Variants in GRID2 observed in about 807,000 individuals in gnomAD.
GRID2 encodes glutamate ionotropic receptor delta type subunit 2, also known as glutamate receptor ionotropic, delta-2.
In GRID2, 33 loss-of-function variants were observed where a neutral mutation model predicts 114.8. The ratio of observed to expected loss-of-function variants is 0.29; its 90% confidence interval spans 0.22 to 0.38. The LOEUF (loss-of-function observed/expected upper bound fraction) is 0.38, where lower values mean the gene tolerates loss of function less well. Among genes scored for constraint, GRID2 ranks in the 10% least tolerant of loss-of-function variants. GRID2 has a pLI of 1.00. For missense variants in GRID2, 1,184 were observed against 1,257.7 expected (o/e 0.94, Z 0.89); for synonymous variants, 505 against 449.9 (o/e 1.12, Z -1.55).
At chr4:92,855,841 T>C (rs1026170378) in intron 2 of GRID2, among the ~76,000 whole-genome samples, 5 of 152,154 alleles carry the variant, frequency 3.3e-5, no homozygotes, top group African/African-American at 1.2e-4. Flanking sequence ...AGAAGGTATA[T>C]AACATTAATA....
intron 4 of GRID2, among the ~76,000 whole-genome samples, chr4:93,197,296 A>T (rs535791747): frequency 6.6e-6 from 1 of 152,260 alleles, no homozygotes; most frequent in East Asian, 1.9e-4. Context: ...TTTACTAATT[A>T]TTAACTCTTG....
chr4:92,406,817 T>C (rs992914160), intron 1 of GRID2, among the ~76,000 whole-genome samples: 9 of 151,850 alleles, frequency 5.9e-5, no homozygotes, highest in Admixed American at 5.3e-4. Flanking sequence ...GGTTTTCTGT[T>C]CTTAAGTTAG....
At chr4:93,647,097 T>G (rs1722179117) in intron 14 of GRID2, among the ~76,000 whole-genome samples, 1 of 152,172 alleles carries the variant, frequency 6.6e-6, no homozygotes, top group African/African-American at 2.4e-5. Flanking sequence ...CTGTGTTAGA[T>G]GAAGGACTTT....
chr4:92,865,228 T>C (rs1457853723), intron 2 of GRID2, among the ~76,000 whole-genome samples: 1 of 152,190 alleles, frequency 6.6e-6, no homozygotes. Flanking sequence ...GTCATAATAT[T>C]TACACAGTCA....
chr4:92,621,632 G>A (rs1466863875), intron 2 of GRID2, among the ~76,000 whole-genome samples: 2 of 151,568 alleles, frequency 1.3e-5, no homozygotes, highest in East Asian at 3.9e-4. Flanking sequence ...TGCACTTAGC[G>A]CAGGGCAAAA....
chr4:92,607,956 G>C (rs931724263), intron 2 of GRID2, among the ~76,000 whole-genome samples: 1 of 151,830 alleles, frequency 6.6e-6, no homozygotes, highest in Admixed American at 6.6e-5. Flanking sequence ...TAGAAAAAGA[G>C]GTGACTTATA....
chr4:92,574,999 C>T (rs1727815469), intron 1 of GRID2, among the ~76,000 whole-genome samples: 4 of 152,252 alleles, frequency 2.6e-5, no homozygotes, highest in South Asian at 2.1e-4. Flanking sequence ...TCCCATATTT[C>T]CTGAAGGTTT....
At chr4:92,804,263 G>A (rs1014512236) in intron 2 of GRID2, among the ~76,000 whole-genome samples, 26 of 151,770 alleles carry the variant, frequency 1.7e-4, no homozygotes, top group African/African-American at 5.6e-4. Context: ...TAAATCATAT[G>A]GAAAAATATT....
At chr4:93,197,104 T>G (rs1231842441) in intron 4 of GRID2, among the ~76,000 whole-genome samples, 1 of 152,188 alleles carries the variant, frequency 6.6e-6, no homozygotes, top group African/African-American at 2.4e-5. Flanking sequence ...TCTCTTTCTC[T>G]ATCAGTTATA....
At chr4:92,329,941 A>T (rs182913018) in intron 1 of GRID2, among the ~76,000 whole-genome samples, 107 of 150,188 alleles carry the variant, frequency 7.1e-4, no homozygotes, top group African/African-American at 2.4e-3. Flanking sequence ...GGGAAAGGAG[A>T]GAAGAGAGAG....
At chr4:93,233,335 A>ATT (rs1210273655) in intron 7 of GRID2, among the ~76,000 whole-genome samples, 12 of 104,578 alleles carry the variant, frequency 1.1e-4, no homozygotes, top group South Asian at 3.1e-4. Flanking sequence ...TATTATTATT[A>ATT]TTTTTTTTTT....
At chr4:92,583,874 CAT>C (rs1200398037) in intron 1 of GRID2, among the ~76,000 whole-genome samples, 3 of 148,806 alleles carry the variant, frequency 2.0e-5, no homozygotes, top group Non-Finnish European at 4.5e-5. Flanking sequence ...AATATATACA[CAT>C]ATGCATATGT....
In GRID2 at chr4:92,663,128, G is replaced by A. The variant is rs556331647; in HGVS notation, c.244+72842G>A. 9.9e-5 allele frequency among the ~76,000 whole-genome samples: 15 copies of A among 151,136 alleles called. No homozygotes were observed. The Admixed American group carries it at 9.9e-4, about 10-fold the overall frequency. On this transcript the variant is annotated intron_variant, in intron 2 of 15. Transcript: ENST00000282020. The stretch of plus-strand genomic sequence containing the variant: ...CACATATAAAAAGCCAAACTGCTCA[G>A]CCTTGATACAAGTGAAGTGACTTGA...
chr4:93,758,712 A>G (rs1732965338), intron 14 of GRID2, among the ~76,000 whole-genome samples: 1 of 152,246 alleles, frequency 6.6e-6, no homozygotes, highest in African/African-American at 2.4e-5. Context: ...ATGAAAATAT[A>G]CATAAATGCA....
At chr4:93,686,685 G>T (rs993519749) in intron 14 of GRID2, among the ~76,000 whole-genome samples, 1 of 151,968 alleles carries the variant, frequency 6.6e-6, no homozygotes, top group Non-Finnish European at 1.5e-5. Flanking sequence ...AATGAAGAAA[G>T]TATGGGGATG....
intron 2 of GRID2, among the ~76,000 whole-genome samples, chr4:92,789,834 G>C (rs1739494873): frequency 6.6e-6 from 1 of 151,744 alleles, no homozygotes; most frequent in African/African-American, 2.4e-5. Flanking sequence ...GTTTTATACT[G>C]TGTGCTCATA....
intron 2 of GRID2, among the ~76,000 whole-genome samples, chr4:92,668,720 T>G (rs1732906517): frequency 6.6e-6 from 1 of 151,888 alleles, no homozygotes; most frequent in Admixed American, 6.6e-5. Flanking sequence ...CATTGGGATA[T>G]GCTGTTCTCT....
At chr4:92,312,277 T>C (rs1302304818) in intron 1 of GRID2, among the ~76,000 whole-genome samples, 1 of 152,122 alleles carries the variant, frequency 6.6e-6, no homozygotes, top group Non-Finnish European at 1.5e-5. Context: ...CTTCTAGGTA[T>C]ATTTGGGTTA....
chr4:93,091,923 G>T (rs1370384857), intron 3 of GRID2, among the ~76,000 whole-genome samples: 1 of 152,118 alleles, frequency 6.6e-6, no homozygotes, highest in Non-Finnish European at 1.5e-5. Context: ...CCCAGAAAAG[G>T]TCAGAATGAA....
Sources: allele counts gnomAD v4.1 joint callset (sites outside exome capture counted in the v4.1 genomes callset), GRCh38; gene constraint gnomAD v4.1.1; transcripts MANE v1.5; gene names NCBI Gene and HGNC (gene_info 2026-07-23, HGNC 2026-07-21).